The following METTL15 variants were observed in gnomAD, a reference collection of about 807,000 sequenced individuals.
METTL15 encodes 12S rRNA N(4)-cytidine methyltransferase METTL15.
In METTL15, 34 loss-of-function variants were observed where a neutral mutation model predicts 38.3. That is an observed-to-expected ratio of 0.89 (90% CI 0.68 to 1.18). The LOEUF is 1.18. METTL15 is among the 50% of genes most tolerant of loss of function. The pLI is 0.00. For missense variants in METTL15, 438 were observed against 498.4 expected, an observed-to-expected ratio of 0.88 and a Z score of 1.15; for synonymous variants, 162 against 170.9, an observed-to-expected ratio of 0.95 and a Z score of 0.41.
intron 6 of METTL15, among the ~76,000 whole-genome samples, chr11:28,508,968 G>A (rs1377028745): frequency 6.6e-6 from 1 of 152,208 alleles, no homozygotes; most frequent in Non-Finnish European, 1.5e-5. Context: ...CCAACGTAGT[G>A]CATAAGGGAG....
At position 28,218,023 on chromosome 11, in the gene METTL15, C is replaced by A. The variant is rs555902591; in HGVS notation, c.407+6825C>A. On this transcript the variant is annotated intron_variant, in intron 4 of 6. Transcript: ENST00000407364. ...TACCAGCTTTGTTCTTTTGGCTTAG[C>A]GTGACTTGGCGATGTGGGCTCTTTT... 2.0e-5 allele frequency among the ~76,000 whole-genome samples: 3 copies of A among 151,942 alleles called. No individual in the cohort carries two copies. In the East Asian group the frequency reaches 5.8e-4, roughly 30 times the overall value.
intron 5 of METTL15, among the ~76,000 whole-genome samples, chr11:28,391,497 A>G (rs1241132218): frequency 2.7e-5 from 4 of 150,556 alleles, no homozygotes; most frequent in Non-Finnish European, 6.0e-5. Flanking sequence ...TCATGAGCCT[A>G]CATTGCCAAG....
intron 2 of METTL15, 106 bp from the exon 3 acceptor site, chr11:28,113,212 A>G (rs1010365826): frequency 1.3e-6 from 1 of 746,050 alleles, no homozygotes; most frequent in East Asian, 2.7e-5. Context: ...ATGAGTCTTA[A>G]CTTTTTTTTG....
Position 28,113,515 on chromosome 11 carries a change from C to G in METTL15, c.181C>G (p.Gln61Glu). 1.9e-6 allele frequency: 3 copies of G among 1,613,494 alleles called. No individual in the cohort carries two copies. The highest frequency in any genetic ancestry group is 2.5e-6 in the Non-Finnish European group (3 of 1,179,848). ...QTQAQELHRS[Q>E]DRDFETMAKL... is the part of the protein sequence containing the mutation. Reference sequence around the variant, plus strand: ...TCAAGCCCAGGAGTTACACAGATCTCAAGATAGAGATTTTGAAACTATGGC... The same window carrying G: ...TCAAGCCCAGGAGTTACACAGATCTGAAGATAGAGATTTTGAAACTATGGC... Residue 61 changes from glutamine to glutamate, a missense_variant, in exon 3 of 7, where the codon CAA (glutamine) becomes GAA (glutamate). By Grantham distance (29) the Gln-to-Glu change is conservative. Transcript: ENST00000407364.
intron 6 of METTL15, among the ~76,000 whole-genome samples, chr11:28,500,652 A>G (rs1851574808): frequency 6.6e-6 from 1 of 151,952 alleles, no homozygotes. Flanking sequence ...GCCTCCCGAA[A>G]ACTGGGACTA....
At chr11:28,124,004 T>C in intron 3 of METTL15, 2 of 632,754 alleles carry the variant, frequency 3.2e-6, no homozygotes, top group Non-Finnish European at 4.8e-6. Context: ...AGCACTTTTA[T>C]ATATTATTGA....
intron 5 of METTL15, among the ~76,000 whole-genome samples, chr11:28,409,167 G>C (rs922739087): frequency 2.6e-5 from 4 of 151,942 alleles, no homozygotes; most frequent in African/African-American, 9.7e-5. Context: ...CGGATCACGA[G>C]GTCTGGAGAT....
chr11:28,509,163 T>G (rs1851654811), intron 6 of METTL15, among the ~76,000 whole-genome samples: 1 of 152,228 alleles, frequency 6.6e-6, no homozygotes, highest in African/African-American at 2.4e-5. Flanking sequence ...GCTGCAGCTG[T>G]TGCTTGTTAG....
At chr11:28,468,760 A>G (rs1026162948) in intron 6 of METTL15, among the ~76,000 whole-genome samples, 7 of 152,116 alleles carry the variant, frequency 4.6e-5, no homozygotes, top group Non-Finnish European at 1.0e-4. Flanking sequence ...TGGTCTTAGC[A>G]CACAATTTAC....
chr11:28,307,574 G>C (rs1210233874), intron 6 of METTL15, among the ~76,000 whole-genome samples: 1 of 151,916 alleles, frequency 6.6e-6, no homozygotes, highest in Non-Finnish European at 1.5e-5. Flanking sequence ...TGCACTTGTA[G>C]TACCTTTCCT....
intron 4 of METTL15, among the ~76,000 whole-genome samples, chr11:28,216,227 T>A (rs1249412289): frequency 1.3e-5 from 2 of 152,076 alleles, no homozygotes; most frequent in Non-Finnish European, 2.9e-5. Flanking sequence ...TTACTAGATA[T>A]AAGATTACAC....
chr11:28,483,563 T>C (rs771166024), intron 6 of METTL15, among the ~76,000 whole-genome samples: 2 of 152,282 alleles, frequency 1.3e-5, no homozygotes, highest in South Asian at 2.1e-4. Flanking sequence ...CTGCAAACTT[T>C]CTCTGTGAAG....
intron 1 of METTL15, among the ~76,000 whole-genome samples, chr11:28,109,796 A>G (rs1300865791): frequency 6.6e-6 from 1 of 152,206 alleles, no homozygotes; most frequent in South Asian, 2.1e-4. Flanking sequence ...TTAGATTTCA[A>G]ATTCAGTGTT....
At chr11:28,434,538 A>G (rs1850964724) in intron 6 of METTL15, among the ~76,000 whole-genome samples, 3 of 152,214 alleles carry the variant, frequency 2.0e-5, no homozygotes, top group Non-Finnish European at 4.4e-5. Flanking sequence ...AGATTTTATG[A>G]ATATCACTAA....
chr11:28,349,709 A>T (rs986527918), intron 3 of METTL15, among the ~76,000 whole-genome samples: 2 of 152,164 alleles, frequency 1.3e-5, no homozygotes, highest in African/African-American at 4.8e-5. Context: ...ATGAGTTTTA[A>T]CAAGTATATT....
intron 6 of METTL15, among the ~76,000 whole-genome samples, chr11:28,470,072 C>T (rs966975110): frequency 4.7e-4 from 71 of 152,044 alleles, no homozygotes; most frequent in Non-Finnish European, 1.2e-4. Flanking sequence ...AATGTAGACT[C>T]TCTTACTAGA....
intron 3 of METTL15, among the ~76,000 whole-genome samples, chr11:28,184,126 T>C (rs564405028): frequency 3.3e-5 from 5 of 152,012 alleles, no homozygotes; most frequent in Non-Finnish European, 7.4e-5. Context: ...TTTTTTATTG[T>C]GTCTATTTGA....
At chr11:28,330,053 T>C (rs1014863673) in intron 6 of METTL15, among the ~76,000 whole-genome samples, 1 of 152,242 alleles carries the variant, frequency 6.6e-6, no homozygotes, top group African/African-American at 2.4e-5. Flanking sequence ...TTGTTTATTA[T>C]ATTTGTGCTT....
chr11:28,349,082 A>G (rs1287955908), intron 3 of METTL15, among the ~76,000 whole-genome samples: 1 of 152,204 alleles, frequency 6.6e-6, no homozygotes, highest in African/African-American at 2.4e-5. Flanking sequence ...ATACATTTAT[A>G]TTTATCTCTA....
Sources: gnomAD v4.1 joint callset for allele counts (sites outside exome capture counted in the v4.1 genomes callset) on GRCh38, gnomAD v4.1.1 for gene constraint, MANE v1.5 for transcripts, NCBI Gene and HGNC (gene_info 2026-07-23, HGNC 2026-07-21) for gene names.